B4GALNT3: variants seen among roughly 807,000 people sequenced by gnomAD.
B4GALNT3 encodes beta-1,4-N-acetylgalactosaminyltransferase 3.
A neutral mutation model predicts 120.2 loss-of-function variants in B4GALNT3; 86 were observed. The ratio of observed to expected loss-of-function variants is 0.72; its 90% CI spans 0.60 to 0.86. The LOEUF is 0.86. B4GALNT3 is among the 40% of genes least tolerant of loss of function. The pLI, the probability that B4GALNT3 is intolerant of heterozygous loss-of-function variation, is 0.00. For missense variants in B4GALNT3, 1,167 were observed against 1,298.9 expected (o/e 0.90, Z 1.56); for synonymous variants, 518 against 510.4 (o/e 1.01, Z -0.20).
In B4GALNT3 at chr12:553,232, G is replaced by A. The variant is rs550860404; in HGVS notation, c.1309G>A (p.Glu437Lys). The change falls in exon 14 of 20, where the codon GAA (glutamate) becomes AAA (lysine). Residue 437 changes from glutamate (E) to lysine (K), a missense_variant. Physicochemically the swap from Glu to Lys is moderately conservative, Grantham distance 56. Coordinates refer to ENST00000266383, the MANE Select transcript of B4GALNT3 (RefSeq NM_173593.4). ...CCTTCTAGAAGAGTCCCAGTATGGG[G>A]AAGTGGCAGAGGAGACCCCTGCCTC... The part of the protein sequence containing the change: ...ENLLEESQYG[E>K]VAEETPASNN... The A allele has an allele frequency of 1.6e-5, 26 of 1,613,390 alleles. No homozygotes were observed. Among genetic ancestry groups the A allele is most frequent in the Non-Finnish European group, 2.0e-5 (24 of 1,179,990 alleles).
intron 14 of B4GALNT3, among the ~76,000 whole-genome samples, chr12:554,892 T>C (rs1947134851): frequency 6.6e-6 from 1 of 151,044 alleles, no homozygotes; most frequent in South Asian, 2.1e-4. Flanking sequence ...AAACAAATTA[T>C]ACTGGCCAGA....
chr12:478,489 T>A (rs1053676046), intron 1 of B4GALNT3, among the ~76,000 whole-genome samples: 1 of 152,160 alleles, frequency 6.6e-6, no homozygotes, highest in Non-Finnish European at 1.5e-5. Context: ...GAAGTCAACA[T>A]TTACCATTTT....
intron 1 of B4GALNT3, among the ~76,000 whole-genome samples, chr12:525,132 G>A (rs192707209): frequency 2.2e-3 from 237 of 107,038 alleles, no homozygotes; most frequent in African/African-American, 8.0e-3. Flanking sequence ...TTGTTGAGAC[G>A]GAGTCTCGCT....
chr12:561,385 G>A lies in B4GALNT3; in HGVS notation c.2931G>A (p.Arg977=). Residue 977 remains arginine, a synonymous_variant, in exon 20 of 20, where the codon AGG becomes AGA. Transcript: ENST00000266383. The stretch of plus-strand genomic sequence containing the variant: ...TGGACGTGGAGCGTCTCTCCCTCAG[G>A]AATTTCTTCCATCATTTCCATTCCA... ...AGLDVERLSL[R]NFFHHFHSKR... 1 of 1,614,034 alleles carries A rather than the reference G, an allele frequency of 6.2e-7. No homozygotes were observed. The highest frequency in any genetic ancestry group is 8.5e-7 in the Non-Finnish European group (1 of 1,180,000).
chr12:512,704 GCCTTCCACCTTCCA>G lies in B4GALNT3; in HGVS notation c.170-22449_170-22436del, dbSNP rs151030473. Among the ~76,000 whole-genome samples, 5 of 62,482 alleles carry G rather than the reference GCCTTCCACCTTCCA, an allele frequency of 8.0e-5. No homozygotes were observed. In the East Asian group the frequency reaches 3.4e-3, roughly 43 times the overall value. 41.0% of individuals were successfully genotyped at this position (62,482 alleles called of 152,430 possible). On this transcript the variant is annotated intron_variant, in intron 1 of 19. Transcript: ENST00000266383. ...ACCTTCGATCTTCCTTCCACCTTCC[GCCTTCCACCTTCCA>G]CCTTCCACCTTCTTCCACCTTTGAC...
At chr12:497,922 T>C (rs1435354371) in intron 1 of B4GALNT3, among the ~76,000 whole-genome samples, 1 of 152,200 alleles carries the variant, frequency 6.6e-6, no homozygotes, top group Non-Finnish European at 1.5e-5. Context: ...TTACAGCCAC[T>C]GGATTCCTAA....
intron 1 of B4GALNT3, among the ~76,000 whole-genome samples, chr12:525,854 G>A (rs1316462962): frequency 3.3e-5 from 5 of 152,230 alleles, no homozygotes; most frequent in African/African-American, 1.2e-4. Context: ...TACAGAGTCA[G>A]GGTTTTCCTG....
intron 14 of B4GALNT3, among the ~76,000 whole-genome samples, chr12:555,973 CA>C (rs1273211609): frequency 1.3e-5 from 2 of 151,348 alleles, no homozygotes; most frequent in Non-Finnish European, 2.9e-5. Context: ...TTAGTAGAGA[CA>C]GGGTTTCACC....
intron 3 of B4GALNT3, 25 bp downstream of exon 3, chr12:536,320 C>T (rs749034377): frequency 3.2e-6 from 5 of 1,567,744 alleles, no homozygotes; most frequent in Admixed American, 1.7e-5. Flanking sequence ...ATTGTACCTG[C>T]CCTTTGAGAG....
At chr12:468,743 G>C (rs1011255200) in intron 1 of B4GALNT3, among the ~76,000 whole-genome samples, 7 of 152,242 alleles carry the variant, frequency 4.6e-5, no homozygotes, top group African/African-American at 1.7e-4. Flanking sequence ...CCCTGTATTA[G>C]CAGCTGAGAA....
intron 1 of B4GALNT3, among the ~76,000 whole-genome samples, chr12:532,543 G>A (rs1041196984): frequency 3.9e-5 from 6 of 152,186 alleles, no homozygotes; most frequent in African/African-American, 9.7e-5. Flanking sequence ...GTCAGTGGTT[G>A]GAAAACGACT....
intron 1 of B4GALNT3, among the ~76,000 whole-genome samples, chr12:475,702 T>C (rs1386843797): frequency 1.3e-5 from 2 of 152,216 alleles, no homozygotes; most frequent in African/African-American, 4.8e-5. Context: ...TCGTTCTTTC[T>C]GGAACTTGTG....
intron 1 of B4GALNT3, among the ~76,000 whole-genome samples, chr12:506,779 GAC>G (rs1946500593): frequency 6.6e-6 from 1 of 152,124 alleles, no homozygotes; most frequent in African/African-American, 2.4e-5. Flanking sequence ...TGGGACTACA[GAC>G]ACATACCACC....
intron 1 of B4GALNT3, among the ~76,000 whole-genome samples, chr12:468,474 A>G (rs1946104156): frequency 6.6e-6 from 1 of 152,230 alleles, no homozygotes; most frequent in Non-Finnish European, 1.5e-5. Flanking sequence ...TTGGGGACTG[A>G]GCCACTTTTG....
chr12:463,152 G>C (rs1032624376), intron 1 of B4GALNT3, among the ~76,000 whole-genome samples: 2 of 152,218 alleles, frequency 1.3e-5, no homozygotes, highest in Non-Finnish European at 2.9e-5. Flanking sequence ...CTGTCATCTG[G>C]AAGGCCAGCC....
chr12:466,396 G>A (rs1468042870), intron 1 of B4GALNT3, among the ~76,000 whole-genome samples: 6 of 152,166 alleles, frequency 3.9e-5, no homozygotes, highest in African/African-American at 7.2e-5. Context: ...CCTCTGCAGC[G>A]TTCCACCAGT....
chr12:472,488 G>A lies in B4GALNT3; in HGVS notation c.169+11943G>A, dbSNP rs372828104. 3.5e-5 allele frequency among the ~76,000 whole-genome samples: 5 copies of A among 144,104 alleles called. No homozygotes were observed. The South Asian group carries it at 6.3e-4, about 18-fold the overall frequency. The allele number at this position is 144,104 out of a possible 152,430, so 94.5% of individuals were successfully genotyped here. ...TTTTGAGACGGAGTCTCGCTCTTTC[G>A]CCCAGGCTGGTGCATCTTGGCTCAC... On this transcript the variant is annotated intron_variant, in intron 1 of 19. Coordinates refer to ENST00000266383, the MANE Select transcript of B4GALNT3 (RefSeq NM_173593.4).
intron 1 of B4GALNT3, among the ~76,000 whole-genome samples, chr12:461,864 G>A (rs1028707250): frequency 6.6e-6 from 1 of 152,208 alleles, no homozygotes; most frequent in African/African-American, 2.4e-5. Context: ...CTAACTAGCG[G>A]GGGAATCAAG....
At chr12:520,653 T>C (rs1286695879) in intron 1 of B4GALNT3, among the ~76,000 whole-genome samples, 3 of 66,350 alleles carry the variant, frequency 4.5e-5, no homozygotes, top group Admixed American at 4.3e-4. Context: ...TTGTGACTAA[T>C]AGTATCTGAA....
Sources: gnomAD v4.1 joint callset for allele counts (sites outside exome capture counted in the v4.1 genomes callset) on GRCh38, gnomAD v4.1.1 for gene constraint, MANE v1.5 for transcripts, NCBI Gene and HGNC (gene_info 2026-07-23, HGNC 2026-07-21) for gene names.